CADM2: variants seen among roughly 807,000 people sequenced by gnomAD.
CADM2 encodes immunoglobulin superfamily member 4D.
Under a neutral mutation model 49.8 loss-of-function variants are expected in CADM2, and 12 were observed. That is an observed-to-expected ratio of 0.24 (90% CI 0.15 to 0.39). The LOEUF is 0.39. Among genes scored for constraint, CADM2 ranks in the 10% least tolerant of loss-of-function variants. The pLI is 1.00. For synonymous variants in CADM2, 214 were observed against 175.4 expected (o/e 1.22, Z -1.74); for missense variants, 378 against 492.3 (o/e 0.77, Z 2.20).
At chr3:84,982,728 TATATATACA>T (rs1298128542) in intron 1 of CADM2, among the ~76,000 whole-genome samples, 5 of 136,894 alleles carry the variant, frequency 3.7e-5, no homozygotes, top group Non-Finnish European at 7.9e-5. Context: ...TATATATATA[TATATATACA>T]TTTTTTGTTT....
chr3:86,046,862 T>C (rs1356129997), intron 8 of CADM2, among the ~76,000 whole-genome samples: 2 of 151,662 alleles, frequency 1.3e-5, no homozygotes, highest in Non-Finnish European at 2.9e-5. Context: ...ATCTTGGTGA[T>C]GACAGTAACT....
intron 1 of CADM2, among the ~76,000 whole-genome samples, chr3:84,986,876 A>G (rs2032595743): frequency 6.6e-6 from 1 of 151,322 alleles, no homozygotes; most frequent in Admixed American, 6.6e-5. Context: ...ACATGGAGAA[A>G]CCCCGTCTCT....
chr3:85,950,019 T>G (rs73843523), intron 7 of CADM2, among the ~76,000 whole-genome samples: 9,919 of 151,140 alleles, frequency 0.066, 874 homozygotes, highest in African/African-American at 0.2. Context: ...TTCTGAGAAA[T>G]GCACACTCAT....
chr3:85,736,511 G>T (rs936687253), intron 2 of CADM2, among the ~76,000 whole-genome samples: 5 of 152,110 alleles, frequency 3.3e-5, no homozygotes, highest in African/African-American at 1.2e-4. Context: ...TGTCAGCAGG[G>T]GACTAAAAGA....
chr3:85,428,814 C>A (rs752390383), intron 1 of CADM2, among the ~76,000 whole-genome samples: 1 of 151,278 alleles, frequency 6.6e-6, no homozygotes, highest in Non-Finnish European at 1.5e-5. Flanking sequence ...TTGCACCATG[C>A]AGTTTTTCTT....
chr3:85,381,005 A>G (rs2033873261), intron 1 of CADM2, among the ~76,000 whole-genome samples: 1 of 152,106 alleles, frequency 6.6e-6, no homozygotes, highest in South Asian at 2.1e-4. Context: ...TAGAAGAGAA[A>G]CACAAAGTTA....
chr3:85,057,246 A>G (rs1187854198), intron 1 of CADM2, among the ~76,000 whole-genome samples: 1 of 152,110 alleles, frequency 6.6e-6, no homozygotes, highest in Admixed American at 6.5e-5. Context: ...AAAATACATA[A>G]ACATCAGCAG....
chr3:84,969,460 CGT>C (rs2031254782), intron 1 of CADM2, among the ~76,000 whole-genome samples: 1 of 150,806 alleles, frequency 6.6e-6, no homozygotes, highest in South Asian at 2.1e-4. Flanking sequence ...TATAAAACTT[CGT>C]ATATTATTAT....
chr3:86,065,490 A>G, intron 8 of CADM2, 115 bp from the exon 9 acceptor site: 1 of 1,044,298 alleles, frequency 9.6e-7, no homozygotes, highest in Admixed American at 2.8e-5. Context: ...ATGCACGTTA[A>G]TGTATTATTT....
intron 1 of CADM2, among the ~76,000 whole-genome samples, chr3:85,375,988 A>C (rs1409016900): frequency 2.0e-5 from 3 of 152,156 alleles, no homozygotes; most frequent in Non-Finnish European, 4.4e-5. Context: ...ACATATGATC[A>C]GTTTTTATGC....
At position 85,442,165 on chromosome 3, in the gene CADM2, A is replaced by G. The variant is rs1267699082; in HGVS notation, c.62-284357A>G. ...TGCGCGTCATAAAAGAAACCATGTT[A>G]GTCATCTCAGTATTATATTTTCCTT... On this transcript the variant is annotated intron_variant, in intron 1 of 9. Transcript: ENST00000383699. Among the ~76,000 whole-genome samples, 3 of 152,166 alleles carry G rather than the reference A, an allele frequency of 2.0e-5. No individual in the cohort carries two copies. In the East Asian group the frequency reaches 5.8e-4, roughly 29 times the overall value.
chr3:85,413,567 AGAAGGG>A (rs1030835478), intron 1 of CADM2, among the ~76,000 whole-genome samples: 7 of 152,180 alleles, frequency 4.6e-5, no homozygotes, highest in Admixed American at 2.0e-4. Flanking sequence ...CAATCATGGC[AGAAGGG>A]GAAGGGGAAG....
At chr3:85,778,006 A>G (rs2070443743) in intron 2 of CADM2, among the ~76,000 whole-genome samples, 1 of 152,172 alleles carries the variant, frequency 6.6e-6, no homozygotes, top group African/African-American at 2.4e-5. Context: ...CAGTACAATC[A>G]TCCATTATGA....
At chr3:85,365,148 C>T (rs2107295125) in intron 1 of CADM2, among the ~76,000 whole-genome samples, 1 of 144,824 alleles carries the variant, frequency 6.9e-6, no homozygotes, top group East Asian at 2.0e-4. Flanking sequence ...AATTATACTA[C>T]CTAGACATTC....
intron 1 of CADM2, among the ~76,000 whole-genome samples, chr3:85,371,963 G>T (rs890347531): frequency 2.6e-5 from 4 of 151,198 alleles, no homozygotes; most frequent in African/African-American, 9.7e-5. Context: ...AAACATATTT[G>T]TTCAACTAAG....
intron 1 of CADM2, among the ~76,000 whole-genome samples, chr3:85,272,222 G>C (rs1189309063): frequency 6.6e-6 from 1 of 151,132 alleles, no homozygotes; most frequent in African/African-American, 2.4e-5. Flanking sequence ...CAGAAAAAGA[G>C]GGAAAAGAAA....
intron 1 of CADM2, among the ~76,000 whole-genome samples, chr3:85,113,698 T>G (rs573796347): frequency 3.8e-4 from 57 of 151,486 alleles, no homozygotes; most frequent in African/African-American, 8.0e-4. Flanking sequence ...TTTTTTTTTT[T>G]TGTGCTATAG....
At chr3:85,374,014 C>T (rs896823102) in intron 1 of CADM2, among the ~76,000 whole-genome samples, 4 of 152,122 alleles carry the variant, frequency 2.6e-5, no homozygotes, top group African/African-American at 7.2e-5. Flanking sequence ...TTGGTGATAA[C>T]ATTTGGCTCC....
At chr3:85,447,502 A>G (rs2037523747) in intron 1 of CADM2, among the ~76,000 whole-genome samples, 1 of 152,224 alleles carries the variant, frequency 6.6e-6, no homozygotes. Flanking sequence ...CAGGTAGTGT[A>G]TTCTGTAGTC....
Sources: allele counts gnomAD v4.1 joint callset (sites outside exome capture counted in the v4.1 genomes callset), GRCh38; gene constraint gnomAD v4.1.1; transcripts MANE v1.5; gene names NCBI Gene and HGNC (gene_info 2026-07-23, HGNC 2026-07-21).